Variants in SYNE2 observed in about 807,000 individuals in gnomAD.
SYNE2 encodes nesprin-2.
A neutral mutation model predicts 856.3 loss-of-function variants in SYNE2; 431 were observed. That is an observed-to-expected ratio of 0.50 (90% confidence interval 0.47 to 0.55). The LOEUF is 0.55. SYNE2 is among the 20% of genes least tolerant of loss of function. The probability of loss-of-function intolerance (pLI) is 0.00; values close to 1 mark genes in which losing one functional copy is unlikely to be tolerated. For synonymous variants in SYNE2, 2,923 were observed against 2,872.3 expected (o/e 1.02, Z -0.56); for missense variants, 8,129 against 8,023.2 (o/e 1.01, Z -0.50).
intron 6 of SYNE2, among the ~76,000 whole-genome samples, chr14:63,944,586 G>A (rs1346367566): frequency 6.9e-6 from 1 of 144,040 alleles, no homozygotes; most frequent in African/African-American, 2.6e-5. Flanking sequence ...TGCAGTGGCA[G>A]GATCTTGGCT....
chr14:64,106,463 A>C (rs143793054), intron 64 of SYNE2, among the ~76,000 whole-genome samples: 2,137 of 152,206 alleles, frequency 0.014, 22 homozygotes, highest in South Asian at 0.022. Flanking sequence ...TCCTGGCTAA[A>C]ACGGTGAAAC....
chr14:64,144,029 T>A (rs561500006), intron 83 of SYNE2, 81 bp downstream of exon 83: 1 of 1,521,256 alleles, frequency 6.6e-7, no homozygotes, highest in East Asian at 2.3e-5. Flanking sequence ...AGACGTTCAA[T>A]TAGTTGACTG....
rs934640856 is a variant in SYNE2 at position 63,803,529 on chromosome 14, G to A, written c.-305+41543G>A. Among the ~76,000 whole-genome samples the A allele has an allele frequency of 3.9e-5, 6 of 152,332 alleles. No individual in the cohort carries two copies. The South Asian group carries it at 8.3e-4, about 21-fold the overall frequency. On this transcript the variant is annotated intron_variant, in intron 1 of 23. Transcript: ENST00000674003. ...CCGGGTGCTAAGTCCCTCATTGCCC[G>A]GGGCAGCAGGGCTGGCCGGCTGCTC... is the stretch of plus-strand genomic sequence containing the variant.
chr14:64,195,760 G>GGTTTTCT (rs765115798), intron 99 of SYNE2, among the ~76,000 whole-genome samples: 4 of 152,132 alleles, frequency 2.6e-5, no homozygotes, highest in Admixed American at 6.5e-5. Flanking sequence ...ATTTTCTCAA[G>GGTTTTCT]GTTTTCTGGA....
At chr14:63,961,102 A>G (rs542369841) in intron 8 of SYNE2, among the ~76,000 whole-genome samples, 1 of 152,206 alleles carries the variant, frequency 6.6e-6, no homozygotes, top group African/African-American at 2.4e-5. Context: ...GCTTTACTGC[A>G]CACATGCCAA....
intron 79 of SYNE2, among the ~76,000 whole-genome samples, 194 bp from the exon 80 acceptor site, chr14:64,139,747 A>G (rs2098125578): frequency 1.3e-5 from 2 of 152,154 alleles, no homozygotes; most frequent in Admixed American, 1.3e-4. Flanking sequence ...GCTGTAATGA[A>G]GAGAGTCCTA....
intron 56 of SYNE2, among the ~76,000 whole-genome samples, chr14:64,080,984 G>A (rs2153612393): frequency 6.6e-6 from 1 of 152,274 alleles, no homozygotes; most frequent in African/African-American, 2.4e-5. Context: ...CAATGAGAAA[G>A]ACTGTCATTC....
At chr14:63,816,213 C>G (rs1181725061) in intron 1 of SYNE2, among the ~76,000 whole-genome samples, 1 of 152,086 alleles carries the variant, frequency 6.6e-6, no homozygotes, top group East Asian at 1.9e-4. Flanking sequence ...TCCCAAAGTG[C>G]TGGGATTACA....
At chr14:64,127,198 T>A (rs780324523) in intron 73 of SYNE2, among the ~76,000 whole-genome samples, 1 of 151,980 alleles carries the variant, frequency 6.6e-6, no homozygotes, top group Non-Finnish European at 1.5e-5. Context: ...GAGGCAGAAG[T>A]TGCAGTGAGC....
At chr14:64,138,076 C>T (rs2098110586) in intron 79 of SYNE2, 93 bp downstream of exon 79, 3 of 1,423,684 alleles carry the variant, frequency 2.1e-6, no homozygotes, top group Non-Finnish European at 2.9e-6. Flanking sequence ...CTGCAACCCA[C>T]CTTATGCTGT....
At chr14:63,848,683 C>T (rs1318791769), upstream of SYNE2, among the ~76,000 whole-genome samples, 1 of 152,116 alleles carries the variant, frequency 6.6e-6, no homozygotes, top group Non-Finnish European at 1.5e-5. Flanking sequence ...AAACTGACGT[C>T]GGTTATGGAA....
At position 64,020,040 on chromosome 14, in the gene SYNE2, G is replaced by C; in HGVS notation, c.5098G>C (p.Val1700Leu). 6.2e-7 allele frequency: 1 copy of C among 1,614,032 alleles called. No individual in the cohort carries two copies. The highest frequency in any genetic ancestry group is 8.5e-7 in the Non-Finnish European group (1 of 1,179,936). The part of the protein sequence containing the change: ...EQKTSEFSRR[V>L]AEIQFLLQSS... ...AAAAACTTCAGAATTTTCTAGAAGA[G>C]TGGCTGAAATACAGTTTTTGCTCCA... is the stretch of plus-strand genomic sequence containing the variant. Residue 1700 changes from valine (V) to leucine (L), a missense_variant, in exon 35 of 116, where the codon GTG (valine) becomes CTG (leucine). Physicochemically the swap from Val to Leu is conservative, Grantham distance 32 (BLOSUM62 1). Coordinates refer to ENST00000555002, the MANE Select transcript of SYNE2 (RefSeq NM_182914.3).
At chr14:63,821,239 A>T (rs190635023) in intron 1 of SYNE2, among the ~76,000 whole-genome samples, 145 of 152,250 alleles carry the variant, frequency 9.5e-4, no homozygotes, top group Non-Finnish European at 1.8e-3. Context: ...CTTCACAATA[A>T]TTTTTATACT....
intron 1 of SYNE2, among the ~76,000 whole-genome samples, chr14:63,785,669 A>T (rs1887496481): frequency 1.3e-5 from 2 of 152,208 alleles, no homozygotes; most frequent in East Asian, 1.9e-4. Context: ...CACAAAACGT[A>T]CAAGATTCTG....
Position 64,074,116 on chromosome 14 carries a change from G to C in SYNE2, c.10846G>C (p.Glu3616Gln), listed in dbSNP as rs778347960. The change falls in exon 53 of 116, where the codon GAA becomes CAA. Residue 3616 changes from glutamate to glutamine, a missense_variant. Physicochemically the swap from Glu to Gln is conservative, Grantham distance 29. Transcript: ENST00000555002. ...FQNMAFQDHP[E>Q]KSEQFEELQS... ...AAATATGGCATTCCAGGATCACCCAGAAAAGTCAGAACAATTTGAGGTAAG... is the reference window on the plus strand; with the variant it reads ...AAATATGGCATTCCAGGATCACCCACAAAAGTCAGAACAATTTGAGGTAAG... The C allele has an allele frequency of 6.2e-7, 1 of 1,614,180 alleles. No homozygotes were observed. The highest frequency in any genetic ancestry group is 8.5e-7 in the Non-Finnish European group (1 of 1,180,014).
chr14:63,967,970 C>T (rs2096417962), intron 11 of SYNE2, 124 bp downstream of exon 11: 4 of 919,146 alleles, frequency 4.4e-6, no homozygotes, highest in Non-Finnish European at 7.0e-6. Context: ...TGATAGCAGC[C>T]TGGCCAACAT....
In SYNE2 at chr14:64,036,740, A is replaced by G. The variant is rs181665151; in HGVS notation, c.7221+5383A>G. On this transcript the variant is annotated intron_variant, in intron 45 of 115. Coordinates refer to ENST00000555002, the MANE Select transcript of SYNE2 (RefSeq NM_182914.3). ...TCACTTACAGGCCAAAGACAAATAT[A>G]CTATTAATATTGGAAATGGAAGACT... 9.9e-4 allele frequency among the ~76,000 whole-genome samples: 151 copies of G among 152,242 alleles called. 1 individual carries two copies. Among genetic ancestry groups the G allele is most frequent in the African/African-American group, 3.4e-3 (143 of 41,532 alleles).
intron 1 of SYNE2, among the ~76,000 whole-genome samples, chr14:63,779,403 T>C (rs1887225311): frequency 6.8e-6 from 1 of 147,334 alleles, no homozygotes; most frequent in Admixed American, 6.9e-5. Flanking sequence ...AGAAAAATAC[T>C]CTGTTCCCCT....
intron 36 of SYNE2, 103 bp from the exon 37 acceptor site, chr14:64,021,754 A>G (rs1238784109): frequency 7.8e-7 from 1 of 1,285,366 alleles, no homozygotes; most frequent in Admixed American, 1.8e-5. Context: ...TCCACTCAAC[A>G]GAGAGTCATT....
Sources: allele counts gnomAD v4.1 joint callset (sites outside exome capture counted in the v4.1 genomes callset), GRCh38; gene constraint gnomAD v4.1.1; transcripts MANE v1.5; gene names NCBI Gene and HGNC (gene_info 2026-07-23, HGNC 2026-07-21).